The following CCDC175 variants were observed in gnomAD, a reference collection of about 807,000 sequenced individuals.
The protein encoded by CCDC175 is coiled-coil domain containing 175, also known as coiled-coil domain-containing protein 175.
Under a neutral mutation model 114.6 loss-of-function variants are expected in CCDC175, and 100 were observed. The ratio of observed to expected loss-of-function variants is 0.87; its 90% CI spans 0.74 to 1.03. The LOEUF (loss-of-function observed/expected upper bound fraction) is 1.03. Among genes scored for constraint, CCDC175 ranks in the 50% least tolerant of loss-of-function variants. The pLI, the probability that CCDC175 is intolerant of heterozygous loss-of-function variation, is 0.00. For missense variants in CCDC175, 880 were observed against 917.8 expected (o/e 0.96, Z 0.53); for synonymous variants, 306 against 308.7 (o/e 0.99, Z 0.09).
At chr14:59,551,304 T>C in intron 8 of CCDC175, 51 bp downstream of exon 8, 1 of 852,508 alleles carries the variant, frequency 1.2e-6, no homozygotes, top group Non-Finnish European at 1.7e-6. Context: ...AAACATTAAC[T>C]AAAAATGAAA....
At chr14:59,556,483 T>C (rs1490436054) in intron 7 of CCDC175, among the ~76,000 whole-genome samples, 1 of 152,206 alleles carries the variant, frequency 6.6e-6, no homozygotes, top group Non-Finnish European at 1.5e-5. Context: ...AAGACTTAAG[T>C]CTTAGACCTA....
intron 17 of CCDC175, among the ~76,000 whole-genome samples, chr14:59,521,315 T>G (rs1212662631): frequency 6.6e-6 from 1 of 152,216 alleles, no homozygotes; most frequent in Non-Finnish European, 1.5e-5. Context: ...CACCAGTGGT[T>G]TGGCAGGGGC....
intron 4 of CCDC175, 39 bp downstream of exon 4, chr14:59,568,206 A>T (rs796539924): frequency 6.7e-7 from 1 of 1,496,428 alleles, no homozygotes. Flanking sequence ...CCAGCCTCAG[A>T]CCCCTGCTCC....
chr14:59,540,656 T>A lies in CCDC175; in HGVS notation c.1355+19A>T. On this transcript the variant is annotated intron_variant, in intron 11 of 19. Transcript: ENST00000537690. Reference sequence around the variant, plus strand: ...CACAAAACACAAATAAACTTTTTTTTTTTTTTTTTTTTTTTTACCATCTCT... The same window carrying A: ...CACAAAACACAAATAAACTTTTTTTATTTTTTTTTTTTTTTTACCATCTCT... 6.7e-7 allele frequency: 1 copy of A among 1,491,008 alleles called. No individual in the cohort carries two copies. Among genetic ancestry groups the A allele is most frequent in the Non-Finnish European group, 8.9e-7 (1 of 1,126,266 alleles). 92.4% of individuals were successfully genotyped at this position (1,491,008 alleles called of 1,614,324 possible).
At chr14:59,535,267 G>A (rs1244926325) in intron 13 of CCDC175, among the ~76,000 whole-genome samples, 1 of 152,216 alleles carries the variant, frequency 6.6e-6, no homozygotes, top group Non-Finnish European at 1.5e-5. Flanking sequence ...GGCAAGCCGA[G>A]TGCAGGCTGG....
At chr14:59,521,308 C>T (rs967718778) in intron 17 of CCDC175, among the ~76,000 whole-genome samples, 2 of 152,168 alleles carry the variant, frequency 1.3e-5, no homozygotes, top group African/African-American at 4.8e-5. Context: ...GGATTTACAC[C>T]AGTGGTTTGG....
At chr14:59,523,953 C>T (rs1057319288) in intron 16 of CCDC175, among the ~76,000 whole-genome samples, 1 of 151,792 alleles carries the variant, frequency 6.6e-6, no homozygotes, top group East Asian at 1.9e-4. Flanking sequence ...CGTGCCACTG[C>T]ACTCCAGCCT....
rs1056900143 is a variant in CCDC175 at position 59,561,320 on chromosome 14, A to C, written c.844-92T>G. On this transcript the variant is annotated intron_variant, in intron 6 of 19. Coordinates refer to ENST00000537690, the MANE Select transcript of CCDC175 (RefSeq NM_001164399.2). ...TCCACTCAATATTCATGAATTACTC[A>C]TTCAACTTTTACATTAGGAGTGTAC... 3.6e-5 allele frequency: 22 copies of C among 603,700 alleles called. No individual in the cohort carries two copies. The African/African-American group carries it at 3.9e-4, about 11-fold the overall frequency. 37.4% of individuals were successfully genotyped at this position (603,700 alleles called of 1,614,324 possible). A position where few individuals can be genotyped will look rare whatever the true frequency, so the allele number is the denominator to read the frequency against.
At position 59,540,597 on chromosome 14, in the gene CCDC175, C is replaced by T. The variant is rs575856317; in HGVS notation, c.1355+78G>A. The stretch of plus-strand genomic sequence containing the variant: ...GGTTCTAGTAACAACAAGTACTCTG[C>T]ACTGTTCATTAAGATAACATATACT... On this transcript the variant is annotated intron_variant, in intron 11 of 19. Coordinates refer to ENST00000537690, the MANE Select transcript of CCDC175 (RefSeq NM_001164399.2). 4.2e-5 allele frequency: 59 copies of T among 1,411,508 alleles called. No homozygotes were observed. In the East Asian group the frequency reaches 1.4e-3, roughly 33 times the overall value. 87.4% of individuals were successfully genotyped at this position (1,411,508 alleles called of 1,614,324 possible).
chr14:59,576,795 G>T lies in CCDC175; in HGVS notation c.-20C>A. On this transcript the variant is annotated 5_prime_UTR_variant, in exon 1 of 20. Coordinates refer to ENST00000537690, the MANE Select transcript of CCDC175 (RefSeq NM_001164399.2). Reference sequence around the variant, plus strand: ...GGCCATTTTGCCGCTCTACTTGAGCGCCTCCTAAGCCAGAGCCAAGGATTG... The same window carrying T: ...GGCCATTTTGCCGCTCTACTTGAGCTCCTCCTAAGCCAGAGCCAAGGATTG... The T allele has an allele frequency of 2.1e-6, 3 of 1,412,462 alleles. No homozygotes were observed. Among genetic ancestry groups the T allele is most frequent in the Non-Finnish European group, 2.7e-6 (3 of 1,092,194 alleles). 87.5% of individuals were successfully genotyped at this position (1,412,462 alleles called of 1,614,324 possible). A position where few individuals can be genotyped will look rare whatever the true frequency, so the allele number is the denominator to read the frequency against.
chr14:59,516,706 C>T (rs894147293), intron 17 of CCDC175, among the ~76,000 whole-genome samples: 28 of 152,224 alleles, frequency 1.8e-4, no homozygotes, highest in African/African-American at 6.7e-4. Flanking sequence ...AAGTCCAGGA[C>T]CAGATGGATT....
chr14:59,555,841 A>G (rs1895862216), intron 7 of CCDC175, among the ~76,000 whole-genome samples: 1 of 152,228 alleles, frequency 6.6e-6, no homozygotes, highest in Non-Finnish European at 1.5e-5. Flanking sequence ...AGAGAGCCAA[A>G]TCATGAGTGA....
In CCDC175 at chr14:59,505,079, G is replaced by C. The variant is rs1236319015; in HGVS notation, c.*160C>G. ...CTGACCATGTTTATCCATTTTTATT[G>C]TTTAGAAGTTTATTTACTGATACTT... On this transcript the variant is annotated 3_prime_UTR_variant, in exon 20 of 20. Transcript: ENST00000537690. 7.0e-6 allele frequency: 3 copies of C among 425,642 alleles called. No homozygotes were observed. Among genetic ancestry groups the C allele is most frequent in the Non-Finnish European group, 1.3e-5 (3 of 238,220 alleles). 26.4% of individuals were successfully genotyped at this position (425,642 alleles called of 1,614,324 possible).
At chr14:59,563,216 CCA>C (rs1229784223) in intron 6 of CCDC175, among the ~76,000 whole-genome samples, 1 of 152,124 alleles carries the variant, frequency 6.6e-6, no homozygotes, top group Non-Finnish European at 1.5e-5. Context: ...AAAATACTTA[CCA>C]CAGTGTTGCC....
At chr14:59,526,326 C>A (rs540458651) in intron 15 of CCDC175, among the ~76,000 whole-genome samples, 15 of 152,070 alleles carry the variant, frequency 9.9e-5, no homozygotes, top group Middle Eastern at 3.4e-3. Flanking sequence ...CATTTTGAAG[C>A]CTGGTGCAGT....
intron 12 of CCDC175, 80 bp from the exon 13 acceptor site, chr14:59,538,234 T>A: frequency 8.1e-7 from 1 of 1,238,292 alleles, no homozygotes; most frequent in Non-Finnish European, 1.1e-6. Context: ...GAAATTAATA[T>A]CTCTTTGCAG....
Position 59,531,948 on chromosome 14 carries a change from T to G in CCDC175, c.1624-38A>C, listed in dbSNP as rs1046525572. 9 of 977,684 alleles carry G rather than the reference T, an allele frequency of 9.2e-6. No individual in the cohort carries two copies. The African/African-American group carries it at 1.3e-4, about 14-fold the overall frequency. The allele number at this position is 977,684 out of a possible 1,614,324, so 60.6% of individuals were successfully genotyped here. Reference sequence around the variant, plus strand: ...TAAAATCAATTGAGAAATATAATTTTGGATAATTCACACAACAATTTAAAG... The same window carrying G: ...TAAAATCAATTGAGAAATATAATTTGGGATAATTCACACAACAATTTAAAG... On this transcript the variant is annotated intron_variant, in intron 13 of 19. Transcript: ENST00000537690.
intron 13 of CCDC175, among the ~76,000 whole-genome samples, chr14:59,536,225 T>C (rs1489524146): frequency 3.3e-5 from 5 of 152,048 alleles, no homozygotes; most frequent in Non-Finnish European, 7.4e-5. Flanking sequence ...GGGTCCTGCC[T>C]CAGGCCCTTC....
chr14:59,509,590 G>A (rs1258763197), intron 19 of CCDC175, among the ~76,000 whole-genome samples: 3 of 152,116 alleles, frequency 2.0e-5, no homozygotes, highest in Non-Finnish European at 2.9e-5. Flanking sequence ...ATGGCTAACT[G>A]CAGGCTCGAC....
Sources: allele counts gnomAD v4.1 joint callset (sites outside exome capture counted in the v4.1 genomes callset), GRCh38; gene constraint gnomAD v4.1.1; transcripts MANE v1.5; gene names NCBI Gene and HGNC (gene_info 2026-07-23, HGNC 2026-07-21).